NPAS3: variants seen among roughly 807,000 people sequenced by gnomAD.
NPAS3 encodes neuronal PAS domain protein 3.
Under a neutral mutation model 73.1 loss-of-function variants are expected in NPAS3, and 14 were observed. That is an observed-to-expected ratio of 0.19 (90% confidence interval 0.13 to 0.30). NPAS3 has a LOEUF of 0.30. NPAS3 is among the 10% of genes least tolerant of loss of function. The probability of loss-of-function intolerance (pLI) is 1.00; values close to 1 mark genes in which losing one functional copy is unlikely to be tolerated. For synonymous variants in NPAS3, 620 were observed against 541.5 expected (o/e 1.14, Z -2.01); for missense variants, 1,096 against 1,250.0 (o/e 0.88, Z 1.86).
intron 5 of NPAS3, among the ~76,000 whole-genome samples, chr14:33,625,328 T>C (rs2058190084): frequency 6.6e-6 from 1 of 152,242 alleles, no homozygotes; most frequent in Non-Finnish European, 1.5e-5. Flanking sequence ...AGACCACTTT[T>C]CCAGTTAGTC....
chr14:33,009,871 A>G (rs1280308517), intron 1 of NPAS3, among the ~76,000 whole-genome samples: 1 of 152,272 alleles, frequency 6.6e-6, no homozygotes, highest in East Asian at 1.9e-4. Context: ...GACCAACCAT[A>G]GTCTAGTGCT....
At chr14:33,183,039 C>T (rs144401306) in intron 2 of NPAS3, among the ~76,000 whole-genome samples, 290 of 152,278 alleles carry the variant, frequency 1.9e-3, no homozygotes, top group African/African-American at 6.5e-3. Flanking sequence ...ACTCTTGTCA[C>T]GCCTTTCTTT....
At position 33,800,417 on chromosome 14, in the gene NPAS3, G is replaced by A; in HGVS notation, c.2110G>A (p.Gly704Ser). The A allele has an allele frequency of 6.3e-7, 1 of 1,597,372 alleles. No homozygotes were observed. Among genetic ancestry groups the A allele is most frequent in the Non-Finnish European group, 8.5e-7 (1 of 1,174,940 alleles). ...GGGCGGCGGCGGTGGGGGTGGCGGT[G>A]GCGGGGGGCTGCACGTGGCCATTCC... is the stretch of plus-strand genomic sequence containing the variant. The change falls in exon 12 of 12, where the codon GGC becomes AGC. Residue 704 changes from glycine to serine, a missense_variant. Around this residue, in one of 5 missense-constraint regions of NPAS3, gnomAD observed 698 missense variants for 676.7 expected, o/e 1.03. Transcript: ENST00000356141. This position sits in a 1 kb window ranked among gnomAD's most constrained non-coding sequence, Gnocchi z 6.5.
intron 3 of NPAS3, among the ~76,000 whole-genome samples, chr14:33,316,751 A>C (rs1332324401): frequency 6.6e-6 from 1 of 152,068 alleles, no homozygotes; most frequent in African/African-American, 2.4e-5. Flanking sequence ...GTACTCTTAG[A>C]GCTAAAAGGG....
intron 7 of NPAS3, among the ~76,000 whole-genome samples, chr14:33,755,599 G>T (rs1009916450): frequency 6.6e-6 from 1 of 152,160 alleles, no homozygotes; most frequent in South Asian, 2.1e-4. Flanking sequence ...GGGCGTGTGG[G>T]CCTTTCAGGA....
At chr14:33,782,992 G>C (rs918367320) in intron 9 of NPAS3, among the ~76,000 whole-genome samples, 1 of 152,094 alleles carries the variant, frequency 6.6e-6, no homozygotes, top group African/African-American at 2.4e-5. Context: ...AATGCAAGCA[G>C]ACTGCTTAAT....
chr14:33,185,319 T>C (rs1203849819), intron 2 of NPAS3, among the ~76,000 whole-genome samples: 1 of 152,224 alleles, frequency 6.6e-6, no homozygotes, highest in Non-Finnish European at 1.5e-5. Flanking sequence ...GTTTGTGATT[T>C]TAATGAAGGT....
At chr14:33,521,565 T>C (rs896406053) in intron 4 of NPAS3, among the ~76,000 whole-genome samples, 2 of 150,666 alleles carry the variant, frequency 1.3e-5, no homozygotes, top group Non-Finnish European at 3.0e-5. Flanking sequence ...ATTAAAAATG[T>C]GACTCTCTGT....
At chr14:33,061,723 T>C (rs1321659576) in intron 2 of NPAS3, among the ~76,000 whole-genome samples, 1 of 152,146 alleles carries the variant, frequency 6.6e-6, no homozygotes, top group Non-Finnish European at 1.5e-5. Flanking sequence ...ACACGAACTG[T>C]TCTACACTAA....
intron 4 of NPAS3, among the ~76,000 whole-genome samples, chr14:33,506,001 C>T (rs1028140522): frequency 3.9e-5 from 6 of 151,902 alleles, no homozygotes; most frequent in Non-Finnish European, 7.4e-5. Context: ...GTTCTTTCTT[C>T]GAGTCCTCAA....
chr14:32,988,207 A>G (rs1386477545), intron 1 of NPAS3, among the ~76,000 whole-genome samples: 2 of 152,162 alleles, frequency 1.3e-5, no homozygotes, highest in Non-Finnish European at 2.9e-5. Context: ...ATTATGGTTT[A>G]AAGTCTTAAT....
chr14:33,797,988 T>TCCACTGGCCATACAGCA (rs1171146137), intron 11 of NPAS3, among the ~76,000 whole-genome samples: 1 of 152,048 alleles, frequency 6.6e-6, no homozygotes, highest in Non-Finnish European at 1.5e-5. Context: ...AATCACTTAA[T>TCCACTGGCCATACAGCA]GTCAATCCAC....
intron 5 of NPAS3, among the ~76,000 whole-genome samples, chr14:33,599,399 A>T (rs1390536625): frequency 2.6e-5 from 4 of 152,174 alleles, no homozygotes; most frequent in Non-Finnish European, 2.9e-5. Flanking sequence ...AAAATGAATA[A>T]TGTAATAATA....
chr14:33,219,358 A>G (rs1046542857), intron 3 of NPAS3, among the ~76,000 whole-genome samples: 12 of 152,212 alleles, frequency 7.9e-5, no homozygotes, highest in African/African-American at 2.9e-4. Context: ...CTGCAACTCT[A>G]TTAATCTAGG....
At chr14:33,146,990 T>C (rs2044258488) in intron 2 of NPAS3, among the ~76,000 whole-genome samples, 1 of 152,236 alleles carries the variant, frequency 6.6e-6, no homozygotes, top group Non-Finnish European at 1.5e-5. Context: ...TGAAATCTTT[T>C]GTAATGCAAA....
chr14:33,232,785 GA>G (rs1370572121), intron 3 of NPAS3, among the ~76,000 whole-genome samples: 1 of 152,152 alleles, frequency 6.6e-6, no homozygotes, highest in Admixed American at 6.5e-5. Context: ...CAAAATTGTC[GA>G]ACAGTAGTAA....
chr14:33,224,037 CACTT>C (rs2047532905), intron 3 of NPAS3, among the ~76,000 whole-genome samples: 3 of 152,108 alleles, frequency 2.0e-5, no homozygotes, highest in African/African-American at 7.2e-5. Flanking sequence ...TTAGGGAACA[CACTT>C]ATATTCTATA....
intron 4 of NPAS3, among the ~76,000 whole-genome samples, chr14:33,493,382 T>A (rs766171818): frequency 5.3e-5 from 8 of 151,956 alleles, no homozygotes; most frequent in Non-Finnish European, 1.2e-4. Context: ...GAAATTGTCT[T>A]GTCTCTGTGC....
chr14:33,778,547 G>C, exon 9 of NPAS3: 1 of 1,613,502 alleles, frequency 6.2e-7, no homozygotes, highest in Non-Finnish European at 8.5e-7. Context: ...AAGACGTGGA[G>C]GGCATCAGGC....
Sources: gnomAD v4.1 joint callset for allele counts (sites outside exome capture counted in the v4.1 genomes callset) on GRCh38, gnomAD v4.1.1 for gene constraint, gnomAD v4.1.1 regional missense constraint, Gnocchi (gnomAD v3.1) non-coding constraint, MANE v1.5 for transcripts, NCBI Gene and HGNC (gene_info 2026-07-23, HGNC 2026-07-21) for gene names.